The following CD33 variants were observed in gnomAD, a reference collection of about 807,000 sequenced individuals.
CD33 encodes myeloid cell surface antigen CD33.
Under a neutral mutation model 31.4 loss-of-function variants are expected in CD33, and 25 were observed. That is an observed-to-expected ratio of 0.80 (90% CI 0.58 to 1.11). The LOEUF (loss-of-function observed/expected upper bound fraction) is 1.11, where lower values mean the gene tolerates loss of function less well. CD33 is among the 50% of genes most tolerant of loss of function. CD33 has a pLI of 0.00. For synonymous variants in CD33, 176 were observed against 180.6 expected (o/e 0.97, Z 0.20); for missense variants, 407 against 448.1 (o/e 0.91, Z 0.83).
chr19:51,225,041 CG>C, upstream of CD33: 1 of 1,571,448 alleles, frequency 6.4e-7, no homozygotes, highest in East Asian at 2.3e-5. Flanking sequence ...GCTTCCTGTC[CG>C]GCCCTGTAGT....
At chr19:51,221,072 A>G (rs1980665984), upstream of CD33, among the ~76,000 whole-genome samples, 1 of 152,200 alleles carries the variant, frequency 6.6e-6, no homozygotes, top group Admixed American at 6.5e-5. Context: ...CTCAACAATA[A>G]CAAAAAATAA....
At chr19:51,235,839 A>C (rs1466036854) in intron 6 of CD33, 163 bp downstream of exon 6, 1 of 729,454 alleles carries the variant, frequency 1.4e-6, no homozygotes, top group Non-Finnish European at 2.5e-6. Flanking sequence ...TGAGGCCAAC[A>C]GATCAGGAGA....
At chr19:51,236,607 A>G (rs1183403363) in intron 6 of CD33, 1 of 152,198 alleles carries the variant, frequency 6.6e-6, no homozygotes, top group Admixed American at 6.5e-5. Context: ...AATGCCCCAG[A>G]TGTCAAAACA....
upstream of CD33, among the ~76,000 whole-genome samples, chr19:51,223,318 T>A (rs1233544383): frequency 6.6e-6 from 1 of 152,214 alleles, no homozygotes; most frequent in Non-Finnish European, 1.5e-5. Context: ...AGACTTAATT[T>A]GTTGTATATC....
Position 51,229,206 on chromosome 19 carries a change from A to G in CD33, c.745+2850A>G, listed in dbSNP as rs183876606. ...ATATGTATAACATTTATTGATTTGC[A>G]TATGTTGAATCATTCTTGCCTTTCT... On this transcript the variant is annotated intron_variant, in intron 4 of 6. Transcript: ENST00000262262. Among the ~76,000 whole-genome samples, 358 of 152,268 alleles carry G rather than the reference A, an allele frequency of 2.4e-3. 2 individuals carry two copies. Among genetic ancestry groups the G allele is most frequent in the African/African-American group, 8.2e-3 (342 of 41,546 alleles).
At chr19:51,233,087 T>C (rs1312753468) in intron 4 of CD33, among the ~76,000 whole-genome samples, 1 of 152,132 alleles carries the variant, frequency 6.6e-6, no homozygotes, top group African/African-American at 2.4e-5. Flanking sequence ...TCTAAAAGGG[T>C]TGGCTCACAA....
intron 6 of CD33, chr19:51,236,880 A>G (rs1056008795): frequency 3.9e-5 from 6 of 152,310 alleles, no homozygotes; most frequent in African/African-American, 9.7e-5. Context: ...TCTCCAGAAC[A>G]TTAGCATCAC....
chr19:51,216,680 A>G, the CD33 span, among the ~76,000 whole-genome samples: 22 of 152,256 alleles, frequency 1.4e-4, 1 homozygote, highest in Admixed American at 3.9e-4. Flanking sequence ...AAAAAAAAAA[A>G]AGATATTCTG....
At chr19:51,235,393 G>A in intron 5 of CD33, 140 bp downstream of exon 5, 1 of 1,206,420 alleles carries the variant, frequency 8.3e-7, no homozygotes, top group African/African-American at 1.5e-5. Context: ...TGGCCACTGG[G>A]ATAGGCGTGG....
At position 51,235,517 on chromosome 19, in the gene CD33, G is replaced by A. The variant is rs548309496; in HGVS notation, c.843-78G>A. ...TTAATCCCACCCTTTACCTGCCAAA[G>A]TCCCTCATTCCAGGCTCATAACAAT... On this transcript the variant is annotated intron_variant, in intron 5 of 6. Coordinates refer to ENST00000262262, the MANE Select transcript of CD33 (RefSeq NM_001772.4). The A allele has an allele frequency of 5.9e-3, 8,879 of 1,512,954 alleles. 42 individuals carry two copies. The highest frequency in any genetic ancestry group is 7.2e-3 in the Non-Finnish European group (8,177 of 1,129,224). 93.7% of individuals were successfully genotyped at this position (1,512,954 alleles called of 1,614,324 possible). A position where few individuals can be genotyped will look rare whatever the true frequency, so the allele number is the denominator to read the frequency against.
At position 51,239,750 on chromosome 19, in the gene CD33, A is replaced by G; in HGVS notation, c.*62A>G. On this transcript the variant is annotated 3_prime_UTR_variant, in exon 7 of 7. Transcript: ENST00000262262. ...CACATCCTCTACAGGTCGGGGACCAAAGGCTGATTCTTGGAGATTTAACAC... is the reference window on the plus strand; with the variant it reads ...CACATCCTCTACAGGTCGGGGACCAGAGGCTGATTCTTGGAGATTTAACAC... 2 of 1,416,066 alleles carry G rather than the reference A, an allele frequency of 1.4e-6. No homozygotes were observed. Among genetic ancestry groups the G allele is most frequent in the Admixed American group, 4.3e-5 (2 of 46,816 alleles). The allele number at this position is 1,416,066 out of a possible 1,614,324, so 87.7% of individuals were successfully genotyped here.
intron 4 of CD33, among the ~76,000 whole-genome samples, chr19:51,226,990 C>T (rs979637557): frequency 2.0e-5 from 3 of 151,782 alleles, no homozygotes; most frequent in Non-Finnish European, 4.4e-5. Flanking sequence ...CTGTTCCTAG[C>T]TTATTTCATT....
At chr19:51,235,102 T>C in intron 4 of CD33, 55 bp from the exon 5 acceptor site, 1 of 1,432,690 alleles carries the variant, frequency 7.0e-7, no homozygotes, top group Non-Finnish European at 9.9e-7. Flanking sequence ...GAGAGGAGGA[T>C]ACACATACCT....
In CD33 at chr19:51,235,243, ATCT is replaced by A. The variant is rs1267160974; in HGVS notation, c.838_840del (p.Phe280del). 3 of 1,613,842 alleles carry A rather than the reference ATCT, an allele frequency of 1.9e-6. No homozygotes were observed. The highest frequency in any genetic ancestry group is 2.5e-6 in the Non-Finnish European group (3 of 1,179,848). On this transcript the variant is annotated inframe_deletion, in exon 5 of 7. Transcript: ENST00000262262. ...CCTGCTCGCTCTTTGTCTCTGCCTC[ATCT>A]TCTTCATGTGAGCATTTTCTCTGGG... is the stretch of plus-strand genomic sequence containing the variant.
At chr19:51,229,959 A>AT (rs1981291755) in intron 4 of CD33, among the ~76,000 whole-genome samples, 1 of 151,892 alleles carries the variant, frequency 6.6e-6, no homozygotes, top group African/African-American at 2.4e-5. Context: ...GCACAGTTAA[A>AT]TGGTTTACTT....
Position 51,232,147 on chromosome 19 carries a change from C to T in CD33, c.746-3010C>T, listed in dbSNP as rs149516836. Among the ~76,000 whole-genome samples the T allele has an allele frequency of 3.2e-3, 480 of 152,282 alleles. 3 individuals carry two copies. The highest frequency in any genetic ancestry group is 0.011 in the African/African-American group (471 of 41,554). ...TTATCTATGAAATATTTTATTTCTC[C>T]TTCTTTTCTGAAAGATAGCTTTTCT... On this transcript the variant is annotated intron_variant, in intron 4 of 6. Coordinates refer to ENST00000262262, the MANE Select transcript of CD33 (RefSeq NM_001772.4).
At chr19:51,215,048 C>T in the CD33 span, among the ~76,000 whole-genome samples, 150 of 152,194 alleles carry the variant, frequency 9.9e-4, 1 homozygote, top group African/African-American at 3.3e-3. Context: ...AGGCCTGTGA[C>T]AAAGGTGGTT....
chr19:51,225,625 G>A (rs377683772), intron 2 of CD33, 27 bp downstream of exon 2: 31 of 1,538,240 alleles, frequency 2.0e-5, no homozygotes, highest in Non-Finnish European at 2.5e-5. Flanking sequence ...AGAAGTGGCC[G>A]CAAGGGAAGT....
the CD33 span, chr19:51,211,283 T>C: frequency 4.5e-6 from 7 of 1,572,988 alleles, no homozygotes; most frequent in Non-Finnish European, 6.1e-6. Context: ...TTGTGCGTCC[T>C]CGTGCCCTGC....
Sources: gnomAD v4.1 joint callset for allele counts (sites outside exome capture counted in the v4.1 genomes callset) on GRCh38, gnomAD v4.1.1 for gene constraint, MANE v1.5 for transcripts, NCBI Gene and HGNC (gene_info 2026-07-23, HGNC 2026-07-21) for gene names.